NR6A1: variants seen among roughly 807,000 people sequenced by gnomAD.
NR6A1 encodes retinoic acid receptor-related testis-associated receptor.
In NR6A1, 7 loss-of-function variants were observed where a neutral mutation model predicts 59.1. The ratio of observed to expected loss-of-function variants is 0.12; its 90% CI spans 0.07 to 0.22. The LOEUF is 0.22. Among genes scored for constraint, NR6A1 ranks in the 10% least tolerant of loss-of-function variants. The pLI, the probability that NR6A1 is intolerant of heterozygous loss-of-function variation, is 1.00. For synonymous variants in NR6A1, 243 were observed against 236.1 expected, an observed-to-expected ratio of 1.03 and a Z score of -0.27; for missense variants, 468 against 611.6, an observed-to-expected ratio of 0.77 and a Z score of 2.48.
chr9:124,771,001 T>C lies in NR6A1; in HGVS notation c.100+19A>G, dbSNP rs2131222701. On this transcript the variant is annotated intron_variant, in intron 1 of 9. Transcript: ENST00000487099. Reference sequence around the variant, plus strand: ...AGCCGGTTCCTGCCTGGCCCGGGCGTCGCAGGCCCCTCACCCACCGTTGCG... The same window carrying C: ...AGCCGGTTCCTGCCTGGCCCGGGCGCCGCAGGCCCCTCACCCACCGTTGCG... 2.5e-6 allele frequency: 3 copies of C among 1,212,426 alleles called. No homozygotes were observed. The African/African-American group carries it at 4.7e-5, about 19-fold the overall frequency. 75.1% of individuals were successfully genotyped at this position (1,212,426 alleles called of 1,614,324 possible). A position where few individuals can be genotyped will look rare whatever the true frequency, so the allele number is the denominator to read the frequency against.
chr9:124,550,149 T>A (rs1833728072), intron 3 of NR6A1, among the ~76,000 whole-genome samples: 1 of 152,148 alleles, frequency 6.6e-6, no homozygotes, highest in African/African-American at 2.4e-5. Flanking sequence ...TATCAGGGGG[T>A]ATATACAATG....
intron 2 of NR6A1, among the ~76,000 whole-genome samples, chr9:124,674,673 C>G (rs1837899397): frequency 6.6e-6 from 1 of 152,046 alleles, no homozygotes; most frequent in African/African-American, 2.4e-5. Flanking sequence ...TGGACATAAG[C>G]AACTTAATAT....
At chr9:124,670,940 A>G (rs542993969) in intron 2 of NR6A1, among the ~76,000 whole-genome samples, 80 of 152,366 alleles carry the variant, frequency 5.3e-4, no homozygotes, top group Non-Finnish European at 1.0e-3. Flanking sequence ...CAGTGGTGGC[A>G]GTAGAGATGC....
At chr9:124,535,288 T>C (rs960404060) in intron 7 of NR6A1, among the ~76,000 whole-genome samples, 3 of 151,428 alleles carry the variant, frequency 2.0e-5, no homozygotes, top group African/African-American at 7.3e-5. Context: ...CCAAGTATAA[T>C]AAAGATCAGC....
At chr9:124,696,810 C>T (rs1452840176) in intron 2 of NR6A1, among the ~76,000 whole-genome samples, 1 of 152,166 alleles carries the variant, frequency 6.6e-6, no homozygotes, top group African/African-American at 2.4e-5. Flanking sequence ...GCACGTACCA[C>T]CATGCCTGGA....
intron 1 of NR6A1, among the ~76,000 whole-genome samples, chr9:124,746,614 T>C (rs952522030): frequency 1.3e-5 from 2 of 151,774 alleles, no homozygotes; most frequent in African/African-American, 2.4e-5. Context: ...AAAAAAACAA[T>C]AATTCCAAAA....
intron 2 of NR6A1, among the ~76,000 whole-genome samples, chr9:124,593,815 T>C (rs1272855960): frequency 1.3e-5 from 2 of 152,196 alleles, no homozygotes; most frequent in Non-Finnish European, 2.9e-5. Flanking sequence ...CTCTCTGTTA[T>C]TGATCCTTAC....
intron 2 of NR6A1, among the ~76,000 whole-genome samples, chr9:124,616,506 A>G (rs1278819164): frequency 6.6e-6 from 1 of 151,990 alleles, no homozygotes; most frequent in Non-Finnish European, 1.5e-5. Flanking sequence ...TGTCTTTCTA[A>G]GCATAACATG....
chr9:124,730,555 CTT>C (rs56330244), intron 2 of NR6A1, among the ~76,000 whole-genome samples: 41 of 123,076 alleles, frequency 3.3e-4, no homozygotes, highest in Admixed American at 4.2e-4. Flanking sequence ...ATTTTTTAGT[CTT>C]TTTTTTTTTT....
At chr9:124,641,450 C>T (rs527337391) in intron 2 of NR6A1, among the ~76,000 whole-genome samples, 1 of 152,132 alleles carries the variant, frequency 6.6e-6, no homozygotes, top group African/African-American at 2.4e-5. Context: ...TACCTTTAAT[C>T]CTAGCACTTA....
chr9:124,583,976 G>GA (rs1834846516), intron 2 of NR6A1, among the ~76,000 whole-genome samples: 1 of 152,138 alleles, frequency 6.6e-6, no homozygotes, highest in Non-Finnish European at 1.5e-5. Context: ...GGCAGGGAGA[G>GA]AGTCTTATTT....
At chr9:124,574,872 A>C (rs1588678764) in intron 2 of NR6A1, among the ~76,000 whole-genome samples, 3 of 152,264 alleles carry the variant, frequency 2.0e-5, no homozygotes, top group African/African-American at 4.8e-5. Context: ...TCGGGTATAA[A>C]GTATACACTC....
intron 2 of NR6A1, among the ~76,000 whole-genome samples, chr9:124,709,809 C>G (rs1459743105): frequency 6.6e-6 from 1 of 151,990 alleles, no homozygotes; most frequent in African/African-American, 2.4e-5. Context: ...GTGGCAGGCA[C>G]CTATAACCCC....
At chr9:124,686,988 A>G (rs977724927) in intron 2 of NR6A1, among the ~76,000 whole-genome samples, 2 of 152,236 alleles carry the variant, frequency 1.3e-5, no homozygotes, top group South Asian at 4.1e-4. Flanking sequence ...TACAGGCATG[A>G]GCCACTGTGC....
intron 2 of NR6A1, among the ~76,000 whole-genome samples, chr9:124,681,604 TGCTGGGATTACAG>T (rs1331109131): frequency 6.6e-6 from 1 of 152,116 alleles, no homozygotes; most frequent in Non-Finnish European, 1.5e-5. Flanking sequence ...TCTCCCAAAG[TGCTGGGATTACAG>T]GCGTGAGCCA....
chr9:124,756,020 A>C (rs1840622598), intron 1 of NR6A1, among the ~76,000 whole-genome samples: 1 of 152,162 alleles, frequency 6.6e-6, no homozygotes, highest in African/African-American at 2.4e-5. Context: ...AATGATCAAC[A>C]AATAGATGAC....
At chr9:124,600,096 C>T (rs988652156) in intron 2 of NR6A1, among the ~76,000 whole-genome samples, 1 of 152,088 alleles carries the variant, frequency 6.6e-6, no homozygotes, top group Non-Finnish European at 1.5e-5. Flanking sequence ...AGTGAAAGCC[C>T]GGTGACCATT....
At chr9:124,624,293 A>C (rs1432163861) in intron 2 of NR6A1, among the ~76,000 whole-genome samples, 2 of 152,348 alleles carry the variant, frequency 1.3e-5, no homozygotes, top group East Asian at 3.9e-4. Context: ...ACATGGTGGC[A>C]GCAGTGGGAT....
chr9:124,654,749 C>T (rs1837201190), intron 2 of NR6A1, among the ~76,000 whole-genome samples: 1 of 152,112 alleles, frequency 6.6e-6, no homozygotes, highest in Non-Finnish European at 1.5e-5. Context: ...CTTCATGTTT[C>T]ACTTCATAGT....
Sources: allele counts gnomAD v4.1 joint callset (sites outside exome capture counted in the v4.1 genomes callset), GRCh38; gene constraint gnomAD v4.1.1; transcripts MANE v1.5; gene names NCBI Gene and HGNC (gene_info 2026-07-23, HGNC 2026-07-21).